Variants in STOX2 observed in about 807,000 individuals in gnomAD.
STOX2 encodes the protein storkhead box 2.
A neutral mutation model predicts 60.9 loss-of-function variants in STOX2; 28 were observed. That is an observed-to-expected ratio of 0.46 (90% confidence interval 0.34 to 0.63). The LOEUF is 0.63. STOX2 is among the 30% of genes least tolerant of loss of function. The probability of loss-of-function intolerance (pLI) is 0.01; values close to 1 mark genes in which losing one functional copy is unlikely to be tolerated. For synonymous variants in STOX2, 472 were observed against 463.9 expected (o/e 1.02, Z -0.22); for missense variants, 1,024 against 1,187.7 (o/e 0.86, Z 2.03).
intron 1 of STOX2, among the ~76,000 whole-genome samples, chr4:183,888,625 C>T (rs1445239468): frequency 6.6e-6 from 1 of 152,212 alleles, no homozygotes; most frequent in Admixed American, 6.5e-5. Flanking sequence ...ATTCTCTTGC[C>T]TGCTCCTTGC....
At chr4:183,807,970 C>G (rs1362884893) in intron 1 of STOX2, among the ~76,000 whole-genome samples, 1 of 152,206 alleles carries the variant, frequency 6.6e-6, no homozygotes, top group Admixed American at 6.5e-5. Context: ...CTCTCCCAGC[C>G]AATTTCGCCA....
chr4:183,927,127 T>C (rs1177621881), intron 1 of STOX2, among the ~76,000 whole-genome samples: 1 of 152,250 alleles, frequency 6.6e-6, no homozygotes, highest in African/African-American at 2.4e-5. Context: ...ATTGATTCTT[T>C]GCACACATGT....
chr4:183,963,169 G>A (rs1743459994), intron 1 of STOX2, among the ~76,000 whole-genome samples: 4 of 151,250 alleles, frequency 2.6e-5, no homozygotes, highest in African/African-American at 9.7e-5. Flanking sequence ...ATGGACCAGT[G>A]GATACACCTG....
chr4:183,892,277 T>A (rs1249530750), intron 1 of STOX2, among the ~76,000 whole-genome samples: 1 of 152,124 alleles, frequency 6.6e-6, no homozygotes, highest in Non-Finnish European at 1.5e-5. Flanking sequence ...TTGCCCTGCT[T>A]CCATAGGTGT....
chr4:183,846,414 T>C (rs1739992730), intron 1 of STOX2, among the ~76,000 whole-genome samples: 1 of 152,204 alleles, frequency 6.6e-6, no homozygotes, highest in Admixed American at 6.5e-5. Flanking sequence ...GTGTGCTTGA[T>C]GGTGTTCCAC....
intron 1 of STOX2, among the ~76,000 whole-genome samples, chr4:183,874,568 A>C (rs7672160): frequency 0.43 from 65,532 of 151,780 alleles, 14,336 homozygotes; most frequent in Middle Eastern, 0.51. Context: ...AATTATACAG[A>C]ACTCTTTCTA....
rs1734524174 is a variant in STOX2 at position 184,020,059 on chromosome 4, A to G, written c.*2775A>G. 6.6e-6 allele frequency: 1 copy of G among 152,226 alleles called. No individual in the cohort carries two copies. The highest frequency in any genetic ancestry group is 2.1e-4 in the South Asian group (1 of 4,838). 9.4% of individuals were successfully genotyped at this position (152,226 alleles called of 1,614,324 possible). ...TTGCACACTTATGTATTATTATGAT[A>G]CAACATATTACTTTATGGTAATTTT... On this transcript the variant is annotated 3_prime_UTR_variant, in exon 4 of 4. Transcript: ENST00000308497.
intron 1 of STOX2, among the ~76,000 whole-genome samples, chr4:183,843,100 A>C: frequency 6.7e-6 from 1 of 150,230 alleles, no homozygotes; most frequent in Non-Finnish European, 1.5e-5. Context: ...GCGAGCCAAG[A>C]TCGCGCCACC....
At chr4:183,896,334 C>T (rs1380964368) in intron 1 of STOX2, among the ~76,000 whole-genome samples, 5 of 152,100 alleles carry the variant, frequency 3.3e-5, no homozygotes, top group East Asian at 3.9e-4. Flanking sequence ...GGCTCCGTGT[C>T]GTCTTTTCCT....
intron 1 of STOX2, among the ~76,000 whole-genome samples, chr4:183,971,657 G>A (rs1341886766): frequency 1.3e-5 from 2 of 152,194 alleles, no homozygotes; most frequent in Non-Finnish European, 2.9e-5. Context: ...TGTGGTAAGT[G>A]GATGAAGTGA....
chr4:184,008,429 AGT>A (rs1471699965), intron 2 of STOX2, among the ~76,000 whole-genome samples: 1 of 152,256 alleles, frequency 6.6e-6, no homozygotes, highest in Admixed American at 6.5e-5. Context: ...AAAGACACAG[AGT>A]GTCAAAGCCT....
chr4:184,006,722 T>G (rs1733853121), intron 2 of STOX2, among the ~76,000 whole-genome samples: 1 of 143,336 alleles, frequency 7.0e-6, no homozygotes, highest in Non-Finnish European at 1.5e-5. Flanking sequence ...AGAAAAAAAT[T>G]CATTTCTATT....
intron 1 of STOX2, among the ~76,000 whole-genome samples, chr4:183,951,400 A>G (rs1384896757): frequency 6.7e-6 from 1 of 148,736 alleles, no homozygotes; most frequent in Non-Finnish European, 1.5e-5. Flanking sequence ...GCCTGTTCAT[A>G]GATATTTTCA....
intron 1 of STOX2, among the ~76,000 whole-genome samples, chr4:183,919,305 C>T (rs112531461): frequency 3.0e-4 from 46 of 152,324 alleles, no homozygotes; most frequent in African/African-American, 1.0e-3. Context: ...AGGTTTCCAT[C>T]GTGAGATGCA....
intron 1 of STOX2, among the ~76,000 whole-genome samples, chr4:183,923,904 C>T (rs535908827): frequency 1.3e-5 from 2 of 152,298 alleles, no homozygotes; most frequent in South Asian, 4.1e-4. Flanking sequence ...GGTAGGAACA[C>T]TCTGTAGACT....
chr4:183,903,889 T>C (rs1374186112), upstream of STOX2, among the ~76,000 whole-genome samples: 1 of 152,192 alleles, frequency 6.6e-6, no homozygotes, highest in Non-Finnish European at 1.5e-5. Flanking sequence ...ATGATTTGAG[T>C]GCATTACATT....
intron 1 of STOX2, among the ~76,000 whole-genome samples, chr4:183,871,053 C>T (rs1014968059): frequency 6.6e-6 from 1 of 152,130 alleles, no homozygotes; most frequent in Non-Finnish European, 1.5e-5. Context: ...TCTTAGATGG[C>T]CTTATTTGCT....
At chr4:184,000,631 G>A (rs1010366065) in intron 1 of STOX2, among the ~76,000 whole-genome samples, 2 of 152,096 alleles carry the variant, frequency 1.3e-5, no homozygotes, top group Non-Finnish European at 2.9e-5. Context: ...TCCCAGCCCC[G>A]CAGGGACACA....
At chr4:183,910,301 C>T (rs4862266) in intron 1 of STOX2, among the ~76,000 whole-genome samples, 88,710 of 152,044 alleles carry the variant, frequency 0.58, 26,294 homozygotes, top group Admixed American at 0.64. Context: ...GAGATAAAAG[C>T]AAAACTCCCC....
Sources: allele counts gnomAD v4.1 joint callset (sites outside exome capture counted in the v4.1 genomes callset), GRCh38; gene constraint gnomAD v4.1.1; transcripts MANE v1.5; gene names NCBI Gene and HGNC (gene_info 2026-07-23, HGNC 2026-07-21).